The following COP1 variants were observed in gnomAD, a reference collection of about 807,000 sequenced individuals.
COP1 encodes the protein E3 ubiquitin-protein ligase COP1.
In COP1, 24 loss-of-function variants were observed where a neutral mutation model predicts 101.3. That is an observed-to-expected ratio of 0.24 (90% CI 0.17 to 0.33). The LOEUF is 0.33. COP1 is among the 10% of genes least tolerant of loss of function. The pLI is 1.00. For synonymous variants in COP1, 347 were observed against 341.9 expected, an observed-to-expected ratio of 1.01 and a Z score of -0.17; for missense variants, 663 against 906.2, an observed-to-expected ratio of 0.73 and a Z score of 3.45.
chr1:176,093,399 A>G (rs1312825517), intron 9 of COP1, among the ~76,000 whole-genome samples: 4 of 152,172 alleles, frequency 2.6e-5, no homozygotes, highest in Non-Finnish European at 5.9e-5. Context: ...TCTAGATTTT[A>G]GCCTACAGAT....
chr1:175,959,451 C>G (rs1651061141), intron 18 of COP1, among the ~76,000 whole-genome samples: 1 of 151,718 alleles, frequency 6.6e-6, no homozygotes, highest in Non-Finnish European at 1.5e-5. Context: ...TTCTGGCCAT[C>G]AAAATACGGC....
intron 18 of COP1, among the ~76,000 whole-genome samples, chr1:175,975,580 T>C (rs903632082): frequency 1.3e-5 from 2 of 152,128 alleles, no homozygotes; most frequent in African/African-American, 2.4e-5. Flanking sequence ...AGGCTACTTT[T>C]TGTATTTTTA....
rs1474592774 is a variant in COP1, at chr1:176,081,267, G to C, written c.1162C>G (p.Gln388Glu). The stretch of plus-strand genomic sequence containing the variant: ...AAGCATTCCTGAAATTCATCCAACT[G>C]GCTTGCAGTTCGACTGTCATCTATA... ...RISDDSRTAS[Q>E]LDEFQECLSK... The change falls in exon 11 of 20, where the codon CAG (glutamine) becomes GAG (glutamate). Residue 388 changes from glutamine to glutamate, a missense_variant. Transcript: ENST00000367669. 1.2e-6 allele frequency: 2 copies of C among 1,603,092 alleles called. No individual in the cohort carries two copies.
chr1:176,095,361 G>A (rs1325367070), intron 9 of COP1, among the ~76,000 whole-genome samples: 1 of 152,188 alleles, frequency 6.6e-6, no homozygotes, highest in Non-Finnish European at 1.5e-5. Flanking sequence ...AATCTGGGAG[G>A]ACAAAGCTAT....
intron 6 of COP1, among the ~76,000 whole-genome samples, chr1:176,138,183 A>G (rs1163194094): frequency 6.6e-6 from 1 of 152,206 alleles, no homozygotes; most frequent in Non-Finnish European, 1.5e-5. Context: ...ATGCGAAGGT[A>G]CAAAAGCCAT....
At chr1:176,007,814 C>A (rs1219561299) in intron 15 of COP1, among the ~76,000 whole-genome samples, 3 of 152,186 alleles carry the variant, frequency 2.0e-5, no homozygotes, top group Non-Finnish European at 4.4e-5. Flanking sequence ...TGTGCCCTGT[C>A]CCCAGAGGTG....
chr1:175,984,110 C>A (rs892063340), intron 18 of COP1, among the ~76,000 whole-genome samples: 1 of 152,182 alleles, frequency 6.6e-6, no homozygotes, highest in African/African-American at 2.4e-5. Flanking sequence ...GAATGTTAAT[C>A]CCCAAGACCA....
At chr1:176,127,002 A>G (rs569554305) in intron 8 of COP1, among the ~76,000 whole-genome samples, 1 of 152,296 alleles carries the variant, frequency 6.6e-6, no homozygotes, top group African/African-American at 2.4e-5. Flanking sequence ...TTTTCCTCCT[A>G]AGAATATATA....
intron 18 of COP1, among the ~76,000 whole-genome samples, chr1:175,982,694 C>T (rs1656156860): frequency 6.6e-6 from 1 of 152,104 alleles, no homozygotes; most frequent in Non-Finnish European, 1.5e-5. Flanking sequence ...CCCACGTTGT[C>T]AAGGTTAAAC....
rs768211976 is a variant in COP1 at position 176,194,293 on chromosome 1, C to G, written c.408-9601G>C. ...GCAAACAAGACAGTACACACAAAAC[C>G]AAGCACATCATAATTATGTTAAAAT... On this transcript the variant is annotated intron_variant, in intron 1 of 19. Transcript: ENST00000367669. 1.4e-4 allele frequency among the ~76,000 whole-genome samples: 21 copies of G among 151,910 alleles called. 1 individual carries two copies. Among genetic ancestry groups the G allele is most frequent in the Non-Finnish European group, 8.8e-5 (6 of 67,976 alleles).
At position 176,130,996 on chromosome 1, in the gene COP1, T is replaced by C. The variant is rs375677562; in HGVS notation, c.968+4014A>G. On this transcript the variant is annotated intron_variant, in intron 8 of 19. Coordinates refer to ENST00000367669, the MANE Select transcript of COP1 (RefSeq NM_022457.7). ...AGAAAGACTTCACCCTAGGACCCTA[T>C]AGGTTTGGGGTCTTTGGGGATAGTT... 4.6e-5 allele frequency among the ~76,000 whole-genome samples: 7 copies of C among 151,916 alleles called. No homozygotes were observed. The East Asian group carries it at 1.2e-3, about 25-fold the overall frequency.
intron 9 of COP1, among the ~76,000 whole-genome samples, chr1:176,103,017 T>C (rs1683673092): frequency 6.6e-6 from 1 of 152,196 alleles, no homozygotes; most frequent in Non-Finnish European, 1.5e-5. Flanking sequence ...ATTTGAGTAA[T>C]AAAACTCTGG....
intron 6 of COP1, among the ~76,000 whole-genome samples, chr1:176,147,337 T>C (rs1425817169): frequency 2.0e-5 from 3 of 152,218 alleles, no homozygotes; most frequent in Non-Finnish European, 2.9e-5. Flanking sequence ...TTCCAATTAT[T>C]GTGAAATTCA....
intron 8 of COP1, among the ~76,000 whole-genome samples, chr1:176,133,125 T>C (rs539277136): frequency 1.3e-5 from 2 of 148,994 alleles, no homozygotes; most frequent in Non-Finnish European, 3.0e-5. Flanking sequence ...ATATACTATA[T>C]ATACCCATAC....
chr1:176,139,153 G>C (rs1267220703), intron 6 of COP1, among the ~76,000 whole-genome samples: 1 of 151,740 alleles, frequency 6.6e-6, no homozygotes, highest in Non-Finnish European at 1.5e-5. Flanking sequence ...CAACATACAA[G>C]TGGCCATCAC....
chr1:176,003,892 G>T (rs1170263116), intron 15 of COP1, among the ~76,000 whole-genome samples: 1,931 of 150,866 alleles, frequency 0.013, 17 homozygotes, highest in Middle Eastern at 0.021. Context: ...GTGAAGAAAG[G>T]CGTTGGTAGC....
intron 18 of COP1, chr1:175,968,274 G>T (rs1366448158): frequency 6.9e-6 from 2 of 289,078 alleles, no homozygotes; most frequent in African/African-American, 4.5e-5. Flanking sequence ...TCAAAAACCA[G>T]TTCAGACGGA....
chr1:176,127,453 T>C (rs948123571), intron 8 of COP1, among the ~76,000 whole-genome samples: 3 of 152,268 alleles, frequency 2.0e-5, no homozygotes, highest in African/African-American at 7.2e-5. Context: ...ACAATATCTG[T>C]CTTTCTGTGC....
chr1:175,953,921 G>C (rs1489485609), intron 18 of COP1, among the ~76,000 whole-genome samples: 1 of 152,020 alleles, frequency 6.6e-6, no homozygotes. Context: ...CCATATAAAA[G>C]ACTTAAACAA....
Sources: allele counts gnomAD v4.1 joint callset (sites outside exome capture counted in the v4.1 genomes callset), GRCh38; gene constraint gnomAD v4.1.1; transcripts MANE v1.5; gene names NCBI Gene and HGNC (gene_info 2026-07-23, HGNC 2026-07-21).